The following MEF2C variants were observed in gnomAD, a reference collection of about 807,000 sequenced individuals.
MEF2C encodes myocyte-specific enhancer factor 2C.
Under a neutral mutation model 50.5 loss-of-function variants are expected in MEF2C, and 6 were observed. That is an observed-to-expected ratio of 0.12 (90% CI 0.07 to 0.23). The LOEUF (loss-of-function observed/expected upper bound fraction) is 0.23. Ranked by LOEUF, MEF2C falls within the 10% of genes least tolerant of loss-of-function variation. The pLI, the probability that MEF2C is intolerant of heterozygous loss-of-function variation, is 1.00. For missense variants in MEF2C, 276 were observed against 605.0 expected, an observed-to-expected ratio of 0.46 and a Z score of 5.70; for synonymous variants, 183 against 228.0, an observed-to-expected ratio of 0.80 and a Z score of 1.78.
intron 1 of MEF2C, among the ~76,000 whole-genome samples, chr5:88,890,765 C>CA (rs1349885669): frequency 6.6e-6 from 1 of 152,220 alleles, no homozygotes; most frequent in Non-Finnish European, 1.5e-5. Flanking sequence ...GCTTTAAAGT[C>CA]AGACTTTCAG....
At chr5:88,779,760 G>GT (rs70996493) in intron 3 of MEF2C, among the ~76,000 whole-genome samples, 37,953 of 147,072 alleles carry the variant, frequency 0.26, 7,026 homozygotes, top group African/African-American at 0.52. Context: ...GCAAAGTGAG[G>GT]TTTTTTTTTT....
chr5:88,746,182 A>T (rs1769449091), intron 6 of MEF2C, among the ~76,000 whole-genome samples: 1 of 152,208 alleles, frequency 6.6e-6, no homozygotes, highest in Non-Finnish European at 1.5e-5. Flanking sequence ...AGGTTTTAAG[A>T]AAGAACAAGC....
chr5:88,746,154 T>A, intron 6 of MEF2C, among the ~76,000 whole-genome samples: 1 of 152,300 alleles, frequency 6.6e-6, no homozygotes, highest in Middle Eastern at 3.4e-3. Context: ...ATGTGAATGA[T>A]GACCTACAGT....
chr5:88,853,534 A>G (rs1402887487), intron 1 of MEF2C, among the ~76,000 whole-genome samples: 7 of 152,244 alleles, frequency 4.6e-5, no homozygotes, highest in Admixed American at 4.6e-4. Flanking sequence ...AATAAAAATG[A>G]CAATCATTTT....
intron 1 of MEF2C, among the ~76,000 whole-genome samples, chr5:88,871,404 G>T (rs547171797): frequency 5.2e-4 from 79 of 152,044 alleles, no homozygotes; most frequent in African/African-American, 1.8e-3. Context: ...TGATTGCAGT[G>T]TTGGGAGCTG....
At chr5:88,805,159 G>A (rs954757245) in intron 2 of MEF2C, among the ~76,000 whole-genome samples, 2 of 152,164 alleles carry the variant, frequency 1.3e-5, no homozygotes, top group African/African-American at 4.8e-5. Flanking sequence ...TTTGGAGCTT[G>A]TTTTTGACTA....
At chr5:88,889,464 G>A (rs892673576) in intron 1 of MEF2C, 2 of 152,476 alleles carry the variant, frequency 1.3e-5, no homozygotes, top group African/African-American at 2.4e-5. Context: ...CTAGAGCTCG[G>A]AGGCTGCTGG....
At chr5:88,873,612 T>C (rs1830176966) in intron 1 of MEF2C, among the ~76,000 whole-genome samples, 2 of 151,518 alleles carry the variant, frequency 1.3e-5, no homozygotes, top group Non-Finnish European at 1.5e-5. Context: ...GGAAGGGATA[T>C]TGCCGATTCA....
intron 3 of MEF2C, among the ~76,000 whole-genome samples, chr5:88,780,497 G>T (rs1787419385): frequency 6.6e-6 from 1 of 152,108 alleles, no homozygotes; most frequent in Admixed American, 6.5e-5. Context: ...ATACATTGTG[G>T]GTATGTGATT....
chr5:88,792,838 A>C (rs745630159), intron 3 of MEF2C, among the ~76,000 whole-genome samples: 19 of 152,216 alleles, frequency 1.2e-4, no homozygotes, highest in Non-Finnish European at 2.4e-4. Context: ...AAACTCTATC[A>C]AAATTTAATG....
At chr5:88,835,705 C>T (rs906120534) in intron 1 of MEF2C, among the ~76,000 whole-genome samples, 6 of 150,066 alleles carry the variant, frequency 4.0e-5, no homozygotes, top group East Asian at 2.0e-4. Flanking sequence ...TCCAGCTGCT[C>T]GGGAGGCTGA....
intron 5 of MEF2C, chr5:88,750,074 G>T: frequency 1.5e-6 from 1 of 645,240 alleles, no homozygotes; most frequent in Non-Finnish European, 1.9e-6. Flanking sequence ...ACAACATTCA[G>T]CCAAAAGAAT....
At chr5:88,857,381 C>T (rs1823828459) in intron 1 of MEF2C, among the ~76,000 whole-genome samples, 2 of 152,090 alleles carry the variant, frequency 1.3e-5, no homozygotes, top group Admixed American at 6.5e-5. Flanking sequence ...AGGGACTTGC[C>T]GTGTCTCAGA....
chr5:88,868,240 C>T (rs1452579770), intron 1 of MEF2C, among the ~76,000 whole-genome samples: 2 of 151,602 alleles, frequency 1.3e-5, no homozygotes, highest in African/African-American at 4.8e-5. Flanking sequence ...CTGATTACTT[C>T]TTTATGAAGC....
intron 1 of MEF2C, chr5:88,880,883 T>C (rs1256681381): frequency 1.3e-5 from 2 of 152,140 alleles, no homozygotes; most frequent in Non-Finnish European, 2.9e-5. Context: ...TGCTCATTTG[T>C]TATTGAAATA....
chr5:88,763,844 G>T (rs1452669302), intron 3 of MEF2C, among the ~76,000 whole-genome samples: 1 of 151,888 alleles, frequency 6.6e-6, no homozygotes, highest in Non-Finnish European at 1.5e-5. Context: ...TAGAATCAGG[G>T]TCTCATTATG....
chr5:88,838,410 G>T, intron 1 of MEF2C: 1 of 280,238 alleles, frequency 3.6e-6, no homozygotes, highest in Non-Finnish European at 5.4e-6. Flanking sequence ...AAATGAATGT[G>T]TTCACAAGGA....
rs66505441 is a variant in MEF2C, at chr5:88,734,565, GTTTTTTTTT to G, written c.638-2673_638-2665del. ...TTCACGGAGGCCTTGAGAAAAGTTT[GTTTTTTTTT>G]TTTTTTTTTTTTTTTTTTTTTTTTA... On this transcript the variant is annotated intron_variant, in intron 6 of 10. Coordinates refer to ENST00000504921, the MANE Select transcript of MEF2C (RefSeq NM_002397.5). 1.9e-3 allele frequency: 1,048 copies of G among 541,172 alleles called. 1 individual carries two copies. The highest frequency in any genetic ancestry group is 2.3e-3 in the Middle Eastern group (2 of 854). The allele number at this position is 541,172 out of a possible 1,614,324, so 33.5% of individuals were successfully genotyped here. A position where few individuals can be genotyped will look rare whatever the true frequency, so the allele number is the denominator to read the frequency against.
chr5:88,902,627 T>TACTGA (rs1835782212), intron 1 of MEF2C, among the ~76,000 whole-genome samples: 1 of 151,662 alleles, frequency 6.6e-6, no homozygotes, highest in East Asian at 1.9e-4. Context: ...GGTACAGTGG[T>TACTGA]CATTAAAAAA....
Sources: allele counts gnomAD v4.1 joint callset (sites outside exome capture counted in the v4.1 genomes callset), GRCh38; gene constraint gnomAD v4.1.1; transcripts MANE v1.5; gene names NCBI Gene and HGNC (gene_info 2026-07-23, HGNC 2026-07-21).